The following MYO10 variants were observed in gnomAD, a reference collection of about 807,000 sequenced individuals.
The protein encoded by MYO10 is unconventional myosin-X.
MYO10 carries 133 observed loss-of-function variants against 257.3 expected under a neutral mutation model. The observed-to-expected ratio is 0.52, with a 90% CI of 0.45 to 0.60. The LOEUF (loss-of-function observed/expected upper bound fraction) is 0.60, where lower values mean the gene tolerates loss of function less well. Ranked by LOEUF, MYO10 falls within the 20% of genes least tolerant of loss-of-function variation. The pLI is 0.00. For missense variants in MYO10, 2,399 were observed against 2,635.7 expected, an observed-to-expected ratio of 0.91 and a Z score of 1.97; for synonymous variants, 1,104 against 1,028.6, an observed-to-expected ratio of 1.07 and a Z score of -1.40.
intron 9 of MYO10, among the ~76,000 whole-genome samples, chr5:16,770,500 T>G (rs370189305): frequency 2.5e-4 from 38 of 152,260 alleles, no homozygotes; most frequent in South Asian, 8.3e-4. Flanking sequence ...TATCTAAGAT[T>G]TGCTGATTTT....
chr5:16,851,130 G>A (rs1026532143), intron 2 of MYO10, among the ~76,000 whole-genome samples: 2 of 152,036 alleles, frequency 1.3e-5, no homozygotes, highest in Admixed American at 6.6e-5. Context: ...CAAAATAATA[G>A]ACAGCGTAAG....
At chr5:16,689,787 G>A (rs761940243) in intron 28 of MYO10, 37 bp downstream of exon 28, 3 of 1,500,922 alleles carry the variant, frequency 2.0e-6, no homozygotes, top group African/African-American at 1.4e-5. Context: ...TGAGGGAGCA[G>A]GATGTGGGTA....
Position 16,716,096 on chromosome 5 carries a change from G to A in MYO10, c.1930-4851C>T, listed in dbSNP as rs537923034. Among the ~76,000 whole-genome samples the A allele has an allele frequency of 3.3e-5, 5 of 150,668 alleles. No homozygotes were observed. In the East Asian group the frequency reaches 9.7e-4, roughly 29 times the overall value. The stretch of plus-strand genomic sequence containing the variant: ...ACATTAAGTACCAGTCTAACACTGA[G>A]GCATTTAAAATGGACAAGAAATGGA... On this transcript the variant is annotated intron_variant, in intron 19 of 40. Coordinates refer to ENST00000513610, the MANE Select transcript of MYO10 (RefSeq NM_012334.3).
chr5:16,883,639 G>C (rs1744818133), intron 1 of MYO10, among the ~76,000 whole-genome samples: 1 of 152,172 alleles, frequency 6.6e-6, no homozygotes, highest in Non-Finnish European at 1.5e-5. Context: ...CAATGGCAAA[G>C]TGAAGCTGCT....
Position 16,682,929 on chromosome 5 carries a change from G to A in MYO10, c.4047-916C>T, listed in dbSNP as rs144935401. On this transcript the variant is annotated intron_variant, in intron 30 of 40. Transcript: ENST00000513610. ...ACATGCCCAGCCTGGAGGAGTGAAGGGCTTGGGAGAGTAAAGATGTGGAGA... is the reference window on the plus strand; with the variant it reads ...ACATGCCCAGCCTGGAGGAGTGAAGAGCTTGGGAGAGTAAAGATGTGGAGA... 2.0e-5 allele frequency among the ~76,000 whole-genome samples: 3 copies of A among 152,270 alleles called. No homozygotes were observed. In the East Asian group the frequency reaches 5.8e-4, roughly 29 times the overall value.
chr5:16,880,402 T>C (rs1247964148), intron 1 of MYO10, among the ~76,000 whole-genome samples: 1 of 151,740 alleles, frequency 6.6e-6, no homozygotes, highest in Non-Finnish European at 1.5e-5. Context: ...ACTCACAGAG[T>C]TCCCCGGAGA....
At chr5:16,707,028 C>G (rs189989409) in intron 21 of MYO10, among the ~76,000 whole-genome samples, 271 of 152,260 alleles carry the variant, frequency 1.8e-3, no homozygotes, top group African/African-American at 6.3e-3. Context: ...GGATCATGGG[C>G]GCAGGTCTTT....
At chr5:16,731,141 G>T (rs908829088) in intron 19 of MYO10, among the ~76,000 whole-genome samples, 5 of 151,690 alleles carry the variant, frequency 3.3e-5, no homozygotes, top group Non-Finnish European at 7.4e-5. Context: ...CACCCCCTGG[G>T]TTCAAGCAAT....
At chr5:16,812,916 G>A (rs1405053895) in intron 3 of MYO10, among the ~76,000 whole-genome samples, 1 of 144,866 alleles carries the variant, frequency 6.9e-6, no homozygotes, top group Non-Finnish European at 1.5e-5. Flanking sequence ...TGACTATTCT[G>A]GGTGCTTTTA....
chr5:16,793,495 G>A (rs949390058), intron 4 of MYO10, among the ~76,000 whole-genome samples: 3 of 151,972 alleles, frequency 2.0e-5, no homozygotes, highest in Non-Finnish European at 1.5e-5. Flanking sequence ...GGCTGATTTT[G>A]CATTTTTAGT....
chr5:16,874,113 T>A (rs1290406475), intron 2 of MYO10, among the ~76,000 whole-genome samples: 1 of 151,968 alleles, frequency 6.6e-6, no homozygotes, highest in Non-Finnish European at 1.5e-5. Flanking sequence ...CGTGGGTGGA[T>A]CACAAGGTCA....
chr5:16,851,818 C>T (rs1168933691), intron 2 of MYO10, among the ~76,000 whole-genome samples: 3 of 151,852 alleles, frequency 2.0e-5, no homozygotes, highest in Admixed American at 6.6e-5. Flanking sequence ...TTTGGGAGGC[C>T]AAGGCGGGCA....
chr5:16,898,933 C>CAGGAG (rs1745297033), intron 1 of MYO10, among the ~76,000 whole-genome samples: 1 of 114,598 alleles, frequency 8.7e-6, no homozygotes, highest in Non-Finnish European at 1.9e-5. Context: ...ATCACCTGAG[C>CAGGAG]CTGGCCACCT....
At chr5:16,857,277 T>C (rs1170348789) in intron 2 of MYO10, among the ~76,000 whole-genome samples, 4 of 152,168 alleles carry the variant, frequency 2.6e-5, no homozygotes, top group African/African-American at 7.2e-5. Context: ...CACTCAAGAC[T>C]ACATATGGTT....
At chr5:16,881,756 C>T (rs905663305) in intron 1 of MYO10, among the ~76,000 whole-genome samples, 1 of 152,132 alleles carries the variant, frequency 6.6e-6, no homozygotes, top group East Asian at 1.9e-4. Context: ...AACACATGTG[C>T]CCAGGTCCGA....
At chr5:16,839,856 C>A (rs1487698187) in intron 2 of MYO10, among the ~76,000 whole-genome samples, 1 of 152,072 alleles carries the variant, frequency 6.6e-6, no homozygotes, top group African/African-American at 2.4e-5. Flanking sequence ...TAGGCTATGG[C>A]GTTCAGTAGG....
intron 21 of MYO10, among the ~76,000 whole-genome samples, chr5:16,706,559 T>C (rs116412570): frequency 3.6e-3 from 542 of 152,206 alleles, no homozygotes; most frequent in African/African-American, 0.013. Flanking sequence ...AACAGCCAAA[T>C]CTTGGGGAAG....
At chr5:16,908,293 C>T (rs775567624) in intron 1 of MYO10, among the ~76,000 whole-genome samples, 17 of 151,958 alleles carry the variant, frequency 1.1e-4, no homozygotes, top group Non-Finnish European at 2.4e-4. Context: ...TTTGGGAGGC[C>T]GAGGTGGATG....
At chr5:16,686,715 T>TGGGG (rs70940398) in intron 28 of MYO10, among the ~76,000 whole-genome samples, 3 of 151,754 alleles carry the variant, frequency 2.0e-5, no homozygotes, top group Non-Finnish European at 4.4e-5. Context: ...TCAGTAGAGA[T>TGGGG]GGGGTTTCAC....
Sources: allele counts gnomAD v4.1 joint callset (sites outside exome capture counted in the v4.1 genomes callset), GRCh38; gene constraint gnomAD v4.1.1; transcripts MANE v1.5; gene names NCBI Gene and HGNC (gene_info 2026-07-23, HGNC 2026-07-21).